Variants in UPP2 observed in about 807,000 individuals in gnomAD.
The protein encoded by UPP2 is uridine phosphorylase 2.
UPP2 carries 23 observed loss-of-function variants against 26.7 expected under a neutral mutation model. The ratio of observed to expected loss-of-function variants is 0.86; its 90% CI spans 0.62 to 1.22. The LOEUF (loss-of-function observed/expected upper bound fraction) is 1.22, where lower values mean the gene tolerates loss of function less well. Among genes scored for constraint, UPP2 ranks in the 50% most tolerant of loss-of-function variants. The pLI is 0.00. For synonymous variants in UPP2, 127 were observed against 141.3 expected (o/e 0.90, Z 0.72); for missense variants, 387 against 396.7 (o/e 0.98, Z 0.21).
intron 3 of UPP2, among the ~76,000 whole-genome samples, chr2:158,077,081 A>G (rs1476421685): frequency 1.3e-5 from 2 of 152,128 alleles, no homozygotes; most frequent in East Asian, 3.8e-4. Context: ...AGCCACACAT[A>G]AAATTAAATA....
intron 3 of UPP2, among the ~76,000 whole-genome samples, chr2:158,049,403 T>A (rs1179090771): frequency 1.3e-5 from 2 of 152,192 alleles, no homozygotes; most frequent in South Asian, 2.1e-4. Flanking sequence ...ATTGGTTAAG[T>A]TCCAAGTGAT....
chr2:158,056,801 A>G (rs1407700585), intron 3 of UPP2, among the ~76,000 whole-genome samples: 2 of 152,194 alleles, frequency 1.3e-5, no homozygotes, highest in Non-Finnish European at 2.9e-5. Context: ...CTTATTTTCA[A>G]TTAAGGTGGT....
chr2:157,996,798 C>T (rs1683330400), intron 2 of UPP2, among the ~76,000 whole-genome samples: 1 of 152,106 alleles, frequency 6.6e-6, no homozygotes, highest in Non-Finnish European at 1.5e-5. Flanking sequence ...GAAAGTCTTT[C>T]TTATAAAGAA....
intron 3 of UPP2, among the ~76,000 whole-genome samples, chr2:158,095,910 T>C (rs1257455809): frequency 6.6e-6 from 1 of 152,212 alleles, no homozygotes; most frequent in Non-Finnish European, 1.5e-5. Flanking sequence ...ATATGCTTTA[T>C]TTCCAATGAA....
chr2:158,096,199 G>C lies in UPP2; in HGVS notation c.148-5841G>C, dbSNP rs537392610. Among the ~76,000 whole-genome samples the C allele has an allele frequency of 5.3e-5, 8 of 152,318 alleles. No individual in the cohort carries two copies. In the South Asian group the frequency reaches 1.7e-3, roughly 32 times the overall value. On this transcript the variant is annotated intron_variant, in intron 3 of 9. Coordinates refer to the UPP2 transcript ENST00000605860. ...GTCACACTGTGGGAGTCAGGCTCGT[G>C]ATAAGAAAGGCCACCAGAAAAGCCA...
intron 3 of UPP2, among the ~76,000 whole-genome samples, chr2:158,057,742 T>TG (rs1353656311): frequency 6.7e-6 from 1 of 149,868 alleles, no homozygotes; most frequent in South Asian, 2.1e-4. Flanking sequence ...AGATTCTTTT[T>TG]TGTTTTTTAA....
intron 6 of UPP2, among the ~76,000 whole-genome samples, chr2:158,125,704 G>A (rs1683678929): frequency 6.6e-6 from 1 of 152,168 alleles, no homozygotes; most frequent in Non-Finnish European, 1.5e-5. Flanking sequence ...ACAGGAGTGA[G>A]CCACCACGCC....
chr2:158,129,228 T>A (rs192495206), intron 6 of UPP2, among the ~76,000 whole-genome samples: 10 of 152,154 alleles, frequency 6.6e-5, no homozygotes, highest in African/African-American at 2.4e-5. Flanking sequence ...AGGGAGGCTA[T>A]CTGGATTCCC....
chr2:158,036,095 C>G (rs1485610106), intron 3 of UPP2, among the ~76,000 whole-genome samples: 1 of 152,076 alleles, frequency 6.6e-6, no homozygotes, highest in Non-Finnish European at 1.5e-5. Context: ...TGGAAAGTAG[C>G]AGTGATGATT....
At chr2:158,091,455 T>C (rs547413063) in intron 3 of UPP2, among the ~76,000 whole-genome samples, 25 of 152,332 alleles carry the variant, frequency 1.6e-4, no homozygotes, top group South Asian at 6.2e-4. Context: ...ATACGGTTTT[T>C]AAATATAGGT....
chr2:158,072,639 A>G (rs1301069343), intron 3 of UPP2, among the ~76,000 whole-genome samples: 1 of 141,092 alleles, frequency 7.1e-6, no homozygotes, highest in Non-Finnish European at 1.5e-5. Flanking sequence ...CACAGAGAGA[A>G]AGAGACAGAC....
chr2:158,047,776 A>C (rs1006542967), intron 3 of UPP2, among the ~76,000 whole-genome samples: 8 of 152,194 alleles, frequency 5.3e-5, no homozygotes, highest in Non-Finnish European at 1.2e-4. Context: ...TCATTCATTC[A>C]TTAATTTTCT....
At chr2:158,045,452 C>T (rs1207672056) in intron 3 of UPP2, among the ~76,000 whole-genome samples, 2 of 152,142 alleles carry the variant, frequency 1.3e-5, no homozygotes, top group South Asian at 2.1e-4. Flanking sequence ...CAGTGGGCAG[C>T]TTTAGGAACA....
chr2:158,115,808 T>C (rs1051239223), intron 3 of UPP2, among the ~76,000 whole-genome samples: 23 of 152,210 alleles, frequency 1.5e-4, no homozygotes, highest in Admixed American at 1.5e-3. Context: ...ATGCAGACCA[T>C]TTCCCCCTTG....
chr2:158,016,117 C>T (rs1360780620), intron 3 of UPP2, among the ~76,000 whole-genome samples: 3 of 149,166 alleles, frequency 2.0e-5, no homozygotes, highest in Non-Finnish European at 4.4e-5. Flanking sequence ...TCCTCACTAA[C>T]ACTTGTTTAA....
At chr2:158,097,690 G>A (rs553657569), upstream of UPP2, among the ~76,000 whole-genome samples, 1 of 152,258 alleles carries the variant, frequency 6.6e-6, no homozygotes, top group South Asian at 2.1e-4. Flanking sequence ...ACCCTCGGGG[G>A]AAGGTATCTG....
intron 3 of UPP2, among the ~76,000 whole-genome samples, chr2:158,090,345 C>T (rs1430243023): frequency 6.6e-6 from 1 of 151,968 alleles, no homozygotes; most frequent in Non-Finnish European, 1.5e-5. Context: ...ACTAAAAATA[C>T]AAAAAATTAG....
chr2:158,058,373 GCTCTCTCTCTCTCT>G (rs869246675), intron 3 of UPP2, among the ~76,000 whole-genome samples: 7 of 37,600 alleles, frequency 1.9e-4, no homozygotes, highest in Admixed American at 6.6e-4. Flanking sequence ...ATGCTTGTAT[GCTCTCTCTCTCTCT>G]CTCTCTCTCT....
Position 158,095,784 on chromosome 2 carries a change from G to GTT in UPP2, c.148-6247_148-6246dup, listed in dbSNP as rs143213496. The stretch of plus-strand genomic sequence containing the variant: ...CACTGTTGTTACTGACATTCTTCCT[G>GTT]TTTTTTTTTTCATTATTTTTCCTTA... On this transcript the variant is annotated intron_variant, in intron 3 of 9. Coordinates refer to the UPP2 transcript ENST00000605860. Among the ~76,000 whole-genome samples the GTT allele has an allele frequency of 3.7e-3, 554 of 147,974 alleles. 5 individuals carry two copies. The highest frequency in any genetic ancestry group is 0.013 in the African/African-American group (535 of 40,604).
Sources: gnomAD v4.1 joint callset for allele counts (sites outside exome capture counted in the v4.1 genomes callset) on GRCh38, gnomAD v4.1.1 for gene constraint, MANE v1.5 for transcripts, NCBI Gene and HGNC (gene_info 2026-07-23, HGNC 2026-07-21) for gene names.